The following SLC24A2 variants were observed in gnomAD, a reference collection of about 807,000 sequenced individuals.
SLC24A2 encodes the protein sodium/potassium/calcium exchanger 2.
SLC24A2 carries 36 observed loss-of-function variants against 62.0 expected under a neutral mutation model. The ratio of observed to expected loss-of-function variants is 0.58; its 90% CI spans 0.44 to 0.77. SLC24A2 has a LOEUF of 0.77. Among genes scored for constraint, SLC24A2 ranks in the 30% least tolerant of loss-of-function variants. The probability of loss-of-function intolerance (pLI) is 0.00; values close to 1 mark genes in which losing one functional copy is unlikely to be tolerated. For missense variants in SLC24A2, 846 were observed against 817.9 expected (o/e 1.03, Z -0.42); for synonymous variants, 358 against 294.0 (o/e 1.22, Z -2.23).
chr9:19,632,766 G>C lies in SLC24A2; in HGVS notation c.931-10467C>G, dbSNP rs1055847269. ...CAACTATAGTACATCATTAAAACTA[G>C]GAAGTTGGCATTGGTACAATCTATG... is the stretch of plus-strand genomic sequence containing the variant. On this transcript the variant is annotated intron_variant, in intron 2 of 10. Coordinates refer to ENST00000341998, the MANE Select transcript of SLC24A2 (RefSeq NM_020344.4). This position sits in a 1 kb window ranked among gnomAD's most constrained non-coding sequence, Gnocchi z 4.5. Among the ~76,000 whole-genome samples, 1 of 152,142 alleles carries C rather than the reference G, an allele frequency of 6.6e-6. No individual in the cohort carries two copies. Among genetic ancestry groups the C allele is most frequent in the African/African-American group, 2.4e-5 (1 of 41,416 alleles).
At chr9:20,077,857 G>T in the SLC24A2 span, among the ~76,000 whole-genome samples, 1 of 152,078 alleles carries the variant, frequency 6.6e-6, no homozygotes, top group Non-Finnish European at 1.5e-5. Context: ...AAAAAATAGG[G>T]TGACTTTTCT....
the SLC24A2 span, among the ~76,000 whole-genome samples, chr9:20,204,165 G>A: frequency 1.4e-4 from 21 of 152,342 alleles, no homozygotes; most frequent in South Asian, 6.2e-4. Context: ...TAAAGTCATT[G>A]AATTGCATTA....
intron 10 of SLC24A2, among the ~76,000 whole-genome samples, chr9:19,518,510 C>T (rs1429255609): frequency 2.0e-5 from 3 of 151,658 alleles, no homozygotes; most frequent in Non-Finnish European, 2.9e-5. Context: ...CAACCTCCAC[C>T]TCCTGGGTTC....
At chr9:20,250,732 T>TA in the SLC24A2 span, among the ~76,000 whole-genome samples, 6 of 151,868 alleles carry the variant, frequency 4.0e-5, no homozygotes, top group East Asian at 1.9e-4. Flanking sequence ...TATCTTAATT[T>TA]AAAAAAAAGA....
intron 2 of SLC24A2, among the ~76,000 whole-genome samples, chr9:19,778,082 A>G (rs1223135765): frequency 1.3e-5 from 2 of 152,206 alleles, no homozygotes; most frequent in Non-Finnish European, 2.9e-5. Context: ...TTAAAATTCC[A>G]TAACAGTGTC....
chr9:20,211,294 C>G, the SLC24A2 span, among the ~76,000 whole-genome samples: 1 of 152,112 alleles, frequency 6.6e-6, no homozygotes, highest in African/African-American at 2.4e-5. Flanking sequence ...AGGTGAATCA[C>G]CTGAGGTCAG....
chr9:20,096,135 T>C, the SLC24A2 span, among the ~76,000 whole-genome samples: 1 of 152,150 alleles, frequency 6.6e-6, no homozygotes, highest in African/African-American at 2.4e-5. Context: ...ATCCTATTGA[T>C]TCTTCTATGG....
the SLC24A2 span, among the ~76,000 whole-genome samples, chr9:20,198,314 G>A: frequency 8.5e-5 from 13 of 152,308 alleles, no homozygotes; most frequent in Admixed American, 6.5e-4. Flanking sequence ...CTTTGGAGGC[G>A]GGTGGCTGCC....
chr9:19,522,702 G>C (rs143306005), intron 9 of SLC24A2, among the ~76,000 whole-genome samples: 1 of 152,084 alleles, frequency 6.6e-6, no homozygotes, highest in Non-Finnish European at 1.5e-5. Flanking sequence ...GATCTCCCTA[G>C]TTGACAGAAC....
chr9:19,700,151 A>T (rs7861771), intron 2 of SLC24A2, among the ~76,000 whole-genome samples: 55,836 of 152,132 alleles, frequency 0.37, 11,809 homozygotes, highest in African/African-American at 0.59. Flanking sequence ...TAAGACAGAG[A>T]ACACACTCAA....
At chr9:19,623,859 G>T (rs1011446840) in intron 2 of SLC24A2, among the ~76,000 whole-genome samples, 3 of 152,150 alleles carry the variant, frequency 2.0e-5, no homozygotes, top group African/African-American at 7.2e-5. Flanking sequence ...AGACAGAAGG[G>T]TTCTGCGTTG....
At chr9:19,868,692 G>A in the SLC24A2 span, among the ~76,000 whole-genome samples, 1 of 151,828 alleles carries the variant, frequency 6.6e-6, no homozygotes, top group Admixed American at 6.6e-5. Context: ...CTTCCTAGTC[G>A]TATTCATGCT....
the SLC24A2 span, among the ~76,000 whole-genome samples, chr9:20,069,787 T>C: frequency 5.3e-5 from 8 of 152,226 alleles, no homozygotes; most frequent in Non-Finnish European, 1.0e-4. Context: ...GATTCATCCA[T>C]ATTATTTTAT....
intron 2 of SLC24A2, among the ~76,000 whole-genome samples, chr9:19,699,570 G>A (rs1457004557): frequency 1.3e-5 from 2 of 152,090 alleles, no homozygotes; most frequent in Non-Finnish European, 2.9e-5. Flanking sequence ...ATCATCCAAT[G>A]TTAATTAGAA....
the SLC24A2 span, among the ~76,000 whole-genome samples, chr9:19,867,184 AAT>A: frequency 6.6e-6 from 1 of 152,140 alleles, no homozygotes; most frequent in Non-Finnish European, 1.5e-5. Context: ...ATGCCCCATA[AAT>A]ATATACACCT....
At chr9:19,827,295 T>A in the SLC24A2 span, among the ~76,000 whole-genome samples, 1 of 152,072 alleles carries the variant, frequency 6.6e-6, no homozygotes, top group Non-Finnish European at 1.5e-5. Flanking sequence ...AATGAGCTGT[T>A]TACCTCCACT....
At chr9:19,856,425 A>G in the SLC24A2 span, among the ~76,000 whole-genome samples, 1 of 152,064 alleles carries the variant, frequency 6.6e-6, no homozygotes, top group African/African-American at 2.4e-5. Context: ...TCATGAGCTT[A>G]TCTACCTTCG....
Position 19,788,930 on chromosome 9 carries a change from GGCCCGCCGCTCCA to G in SLC24A2, c.-212_-200del. ...CGCACACGGCGGGGCCCCCGAGCGC[GGCCCGCCGCTCCA>G]GTCCGCCGGCCCTCCGCCTACCCGC... On this transcript the variant is annotated 5_prime_UTR_variant, in exon 1 of 11. Coordinates refer to ENST00000341998, the MANE Select transcript of SLC24A2 (RefSeq NM_020344.4). The G allele has an allele frequency of 1.0e-6, 1 of 985,150 alleles. No individual in the cohort carries two copies. The highest frequency in any genetic ancestry group is 1.2e-6 in the Non-Finnish European group (1 of 829,688). The allele number at this position is 985,150 out of a possible 1,614,324, so 61.0% of individuals were successfully genotyped here. A position where few individuals can be genotyped will look rare whatever the true frequency, so the allele number is the denominator to read the frequency against.
At chr9:20,184,497 T>A in the SLC24A2 span, among the ~76,000 whole-genome samples, 2 of 152,084 alleles carry the variant, frequency 1.3e-5, no homozygotes, top group Non-Finnish European at 2.9e-5. Context: ...CTCAGTGAGC[T>A]GAGATCACGC....
Sources: gnomAD v4.1 joint callset for allele counts (sites outside exome capture counted in the v4.1 genomes callset) on GRCh38, gnomAD v4.1.1 for gene constraint, Gnocchi (gnomAD v3.1) non-coding constraint, MANE v1.5 for transcripts, NCBI Gene and HGNC (gene_info 2026-07-23, HGNC 2026-07-21) for gene names.